UGDH: variants seen among roughly 807,000 people sequenced by gnomAD.
The protein encoded by UGDH is UDP-glucose 6-dehydrogenase.
UGDH carries 38 observed loss-of-function variants against 50.6 expected under a neutral mutation model. The ratio of observed to expected loss-of-function variants is 0.75; its 90% confidence interval spans 0.58 to 0.98. The LOEUF (loss-of-function observed/expected upper bound fraction) is 0.98. Ranked by LOEUF, UGDH falls within the 50% of genes least tolerant of loss-of-function variation. The pLI is 0.00. For synonymous variants in UGDH, 168 were observed against 199.9 expected, an observed-to-expected ratio of 0.84 and a Z score of 1.35; for missense variants, 465 against 606.2, an observed-to-expected ratio of 0.77 and a Z score of 2.45.
At position 39,521,474 on chromosome 4, in the gene UGDH, G is replaced by A; in HGVS notation, c.39C>T (p.Gly13=). ...CACTACATGTGGGTCCTCCAACATA[G>A]CCTGCACCGATGCAACAGATCTTCT... ...EIKKICCIGA[G]YVGGPTCSVI... is the part of the protein sequence containing the mutation. Residue 13 remains glycine, a synonymous_variant, in exon 2 of 12, where the codon GGC becomes GGT. Coordinates refer to ENST00000316423, the MANE Select transcript of UGDH (RefSeq NM_003359.4). The A allele has an allele frequency of 1.2e-6, 2 of 1,609,172 alleles. No homozygotes were observed. Among genetic ancestry groups the A allele is most frequent in the Non-Finnish European group, 1.7e-6 (2 of 1,177,902 alleles).
intron 3 of UGDH, 87 bp from the exon 4 acceptor site, chr4:39,510,948 G>A: frequency 7.5e-7 from 1 of 1,328,800 alleles, no homozygotes; most frequent in Non-Finnish European, 1.1e-6. Context: ...AAAGTGTGGA[G>A]TTAACAATCA....
chr4:39,512,833 T>G (rs1746294085), intron 3 of UGDH, among the ~76,000 whole-genome samples: 1 of 151,374 alleles, frequency 6.6e-6, no homozygotes. Flanking sequence ...TTTTTTTTTT[T>G]TTTTTTTGAG....
intron 11 of UGDH, among the ~76,000 whole-genome samples, chr4:39,503,534 G>A (rs189268053): frequency 2.1e-3 from 320 of 152,330 alleles, no homozygotes; most frequent in Non-Finnish European, 1.4e-3. Flanking sequence ...AAGTAGAGAA[G>A]TAGAGTAGTC....
chr4:39,500,653 C>CTCTCT (rs1553936499), intron 11 of UGDH, among the ~76,000 whole-genome samples: 1 of 135,220 alleles, frequency 7.4e-6, no homozygotes, highest in African/African-American at 2.7e-5. Flanking sequence ...GCATAATTCT[C>CTCTCT]TTTTTTTTTT....
At chr4:39,522,271 A>C (rs1330881590) in intron 1 of UGDH, among the ~76,000 whole-genome samples, 2 of 152,222 alleles carry the variant, frequency 1.3e-5, no homozygotes, top group Non-Finnish European at 2.9e-5. Context: ...ACTGATTTAT[A>C]CATAAGTATG....
intron 1 of UGDH, among the ~76,000 whole-genome samples, chr4:39,525,784 C>A (rs1015777810): frequency 2.0e-5 from 3 of 152,220 alleles, no homozygotes; most frequent in African/African-American, 7.2e-5. Context: ...GCTGGGATTA[C>A]AGGCGTGAGC....
chr4:39,521,520 C>A lies in UGDH; in HGVS notation c.-7-1G>T. ...CTTCTTAATTTCAAACATGATTGTA[C>A]TAGAAGGAAAACAGTAAGACTGTTC... On this transcript the variant is annotated splice_acceptor_variant, in intron 1 of 11. Coordinates refer to ENST00000316423, the MANE Select transcript of UGDH (RefSeq NM_003359.4). LOFTEE classifies it low-confidence loss of function (5UTR_SPLICE). 6.3e-7 allele frequency: 1 copy of A among 1,579,470 alleles called. No homozygotes were observed. The highest frequency in any genetic ancestry group is 8.6e-7 in the Non-Finnish European group (1 of 1,163,584).
intron 11 of UGDH, among the ~76,000 whole-genome samples, chr4:39,503,203 C>T (rs567640902): frequency 1.1e-4 from 17 of 152,336 alleles, no homozygotes; most frequent in South Asian, 2.1e-4. Flanking sequence ...GCGTGAGCCA[C>T]CGCGCCCAGC....
Position 39,500,056 on chromosome 4 carries a change from T to A in UGDH, c.*87A>T, listed in dbSNP as rs1334415236. ...AAAAAAACAAAAAAAAACACTTGGTTCATTTACCATTTAATAGCAGATAGA... is the reference window on the plus strand; with the variant it reads ...AAAAAAACAAAAAAAAACACTTGGTACATTTACCATTTAATAGCAGATAGA... On this transcript the variant is annotated 3_prime_UTR_variant, in exon 12 of 12. Coordinates refer to ENST00000316423, the MANE Select transcript of UGDH (RefSeq NM_003359.4). The A allele has an allele frequency of 1.3e-6, 1 of 776,168 alleles. No homozygotes were observed. Among genetic ancestry groups the A allele is most frequent in the Non-Finnish European group, 2.0e-6 (1 of 489,718 alleles). 48.1% of individuals were successfully genotyped at this position (776,168 alleles called of 1,614,324 possible). A position where few individuals can be genotyped will look rare whatever the true frequency, so the allele number is the denominator to read the frequency against.
chr4:39,527,255 G>GGATGCTCC, intron 1 of UGDH, 28 bp downstream of exon 1: 1 of 601,344 alleles, frequency 1.7e-6, no homozygotes, highest in Admixed American at 3.6e-5. Context: ...CGCCCGGGCG[G>GGATGCTCC]CGGGGCCAGC....
chr4:39,515,500 A>T (rs201795336), intron 2 of UGDH, among the ~76,000 whole-genome samples: 1 of 31,470 alleles, frequency 3.2e-5, no homozygotes, highest in Non-Finnish European at 7.0e-5. Flanking sequence ...CCTTTTATTT[A>T]AAAAAAAAAT....
At chr4:39,504,267 C>T in intron 10 of UGDH, 150 bp downstream of exon 10, 2 of 692,160 alleles carry the variant, frequency 2.9e-6, no homozygotes, top group Non-Finnish European at 4.8e-6. Context: ...GAGATTGCGC[C>T]ACTGCACTCC....
At chr4:39,520,197 G>A (rs569305319) in intron 2 of UGDH, among the ~76,000 whole-genome samples, 1 of 152,124 alleles carries the variant, frequency 6.6e-6, no homozygotes, top group Non-Finnish European at 1.5e-5. Context: ...AAATTAGCTG[G>A]GAGTGGTGGT....
intron 2 of UGDH, among the ~76,000 whole-genome samples, chr4:39,517,714 C>T (rs1746488713): frequency 6.6e-6 from 1 of 152,136 alleles, no homozygotes; most frequent in African/African-American, 2.4e-5. Flanking sequence ...TCCCAAATTA[C>T]CATCATGCTG....
chr4:39,512,898 T>G (rs543551675), intron 3 of UGDH, among the ~76,000 whole-genome samples: 8 of 151,368 alleles, frequency 5.3e-5, no homozygotes, highest in Non-Finnish European at 1.0e-4. Context: ...AATGGCTCAT[T>G]GCAGCCTCAA....
chr4:39,503,827 A>G, intron 11 of UGDH, 48 bp downstream of exon 11: 2 of 1,542,982 alleles, frequency 1.3e-6, no homozygotes, highest in Non-Finnish European at 1.8e-6. Context: ...TGAATCAAAC[A>G]CTAAAGACCA....
At chr4:39,519,118 T>C (rs938580868) in intron 2 of UGDH, among the ~76,000 whole-genome samples, 1 of 152,012 alleles carries the variant, frequency 6.6e-6, no homozygotes, top group Non-Finnish European at 1.5e-5. Flanking sequence ...GGTTTTGCCA[T>C]GTTGGCCAGG....
intron 6 of UGDH, among the ~76,000 whole-genome samples, 187 bp downstream of exon 6, chr4:39,509,573 C>G (rs1337292181): frequency 2.0e-5 from 3 of 152,196 alleles, no homozygotes; most frequent in Non-Finnish European, 2.9e-5. Flanking sequence ...AGTCACTCAG[C>G]TGCATGACTT....
At chr4:39,519,036 C>G (rs571580976) in intron 2 of UGDH, among the ~76,000 whole-genome samples, 1 of 152,168 alleles carries the variant, frequency 6.6e-6, no homozygotes, top group Non-Finnish European at 1.5e-5. Context: ...CTCGCCTCAG[C>G]CTCCTGAGTA....
Sources: gnomAD v4.1 joint callset for allele counts (sites outside exome capture counted in the v4.1 genomes callset) on GRCh38, gnomAD v4.1.1 for gene constraint, MANE v1.5 for transcripts, NCBI Gene and HGNC (gene_info 2026-07-23, HGNC 2026-07-21) for gene names.